The following DLGAP1 variants were observed in gnomAD, a reference collection of about 807,000 sequenced individuals.
The protein encoded by DLGAP1 is disks large-associated protein 1.
Under a neutral mutation model 90.8 loss-of-function variants are expected in DLGAP1, and 11 were observed. That is an observed-to-expected ratio of 0.12 (90% CI 0.08 to 0.20). DLGAP1 has a LOEUF of 0.20. DLGAP1 is among the 10% of genes least tolerant of loss of function. The pLI is 1.00. For missense variants in DLGAP1, 1,050 were observed against 1,333.8 expected (o/e 0.79, Z 3.31); for synonymous variants, 558 against 540.7 (o/e 1.03, Z -0.44).
At chr18:4,370,767 G>GT (rs33946209) in intron 1 of DLGAP1, among the ~76,000 whole-genome samples, 89 of 150,896 alleles carry the variant, frequency 5.9e-4, no homozygotes, top group African/African-American at 2.0e-3. Context: ...ATATGTGTGG[G>GT]TTTTTTTTTT....
At chr18:4,372,392 T>C (rs1469212682) in intron 1 of DLGAP1, among the ~76,000 whole-genome samples, 1 of 152,218 alleles carries the variant, frequency 6.6e-6, no homozygotes, top group African/African-American at 2.4e-5. Flanking sequence ...AGGGGTTCAG[T>C]TGAGTGACGA....
intron 1 of DLGAP1, among the ~76,000 whole-genome samples, chr18:4,355,742 C>CTT (rs56040788): frequency 0.31 from 37,828 of 122,598 alleles, 5,658 homozygotes; most frequent in Non-Finnish European, 0.36. Context: ...AATCCGGGAT[C>CTT]TTTTTTTTTT....
At chr18:4,450,169 T>C (rs967012469) in intron 1 of DLGAP1, among the ~76,000 whole-genome samples, 1 of 152,188 alleles carries the variant, frequency 6.6e-6, no homozygotes, top group Non-Finnish European at 1.5e-5. Context: ...AAAATGCCAT[T>C]TTCCTCTGAA....
intron 1 of DLGAP1, among the ~76,000 whole-genome samples, chr18:4,203,673 A>G (rs1598613250): frequency 6.6e-6 from 1 of 152,102 alleles, no homozygotes; most frequent in East Asian, 1.9e-4. Context: ...TCCCTGAAAC[A>G]TTTCCTGAGG....
chr18:3,572,633 A>G (rs1054683792), intron 8 of DLGAP1, among the ~76,000 whole-genome samples: 1 of 152,156 alleles, frequency 6.6e-6, no homozygotes, highest in African/African-American at 2.4e-5. Context: ...TATTTTTAGT[A>G]GAGACGGGAT....
chr18:4,202,142 C>T (rs760453707), intron 1 of DLGAP1, among the ~76,000 whole-genome samples: 1 of 151,260 alleles, frequency 6.6e-6, no homozygotes, highest in African/African-American at 2.4e-5. Flanking sequence ...TACATACGCA[C>T]ACACACACAC....
chr18:4,202,254 T>C (rs1329757470), intron 1 of DLGAP1, among the ~76,000 whole-genome samples: 1 of 152,056 alleles, frequency 6.6e-6, no homozygotes, highest in Non-Finnish European at 1.5e-5. Context: ...AACTCAGGAA[T>C]GGAAAAACAA....
intron 5 of DLGAP1, among the ~76,000 whole-genome samples, chr18:3,752,533 TCCTC>T (rs1204366323): frequency 1.6e-4 from 18 of 109,990 alleles, no homozygotes; most frequent in South Asian, 8.2e-4. Flanking sequence ...CTCCCTCCGT[TCCTC>T]CCTCCCTCCC....
chr18:4,081,612 A>T (rs2075609624), intron 2 of DLGAP1, among the ~76,000 whole-genome samples: 1 of 152,152 alleles, frequency 6.6e-6, no homozygotes, highest in Non-Finnish European at 1.5e-5. Context: ...AGACCTGCCA[A>T]AGAAGCCAAC....
intron 7 of DLGAP1, among the ~76,000 whole-genome samples, chr18:3,713,567 GAT>G (rs1379796304): frequency 1.3e-5 from 2 of 152,222 alleles, no homozygotes; most frequent in Admixed American, 6.5e-5. Context: ...TATGGTATAA[GAT>G]AGAAGTATGC....
At chr18:3,687,956 G>C (rs1284190457) in intron 7 of DLGAP1, among the ~76,000 whole-genome samples, 1 of 149,250 alleles carries the variant, frequency 6.7e-6, no homozygotes. Context: ...ACCCAGGCTG[G>C]AGTGCAGTGG....
chr18:3,964,796 T>G (rs1174386037), intron 3 of DLGAP1, among the ~76,000 whole-genome samples: 2 of 152,058 alleles, frequency 1.3e-5, no homozygotes, highest in Admixed American at 1.3e-4. Flanking sequence ...TTTTAAGAGG[T>G]GGCACAAAAA....
intron 1 of DLGAP1, among the ~76,000 whole-genome samples, chr18:4,288,507 C>T (rs1045111065): frequency 1.3e-5 from 2 of 152,138 alleles, no homozygotes; most frequent in African/African-American, 4.8e-5. Flanking sequence ...TGAAGGGCAG[C>T]TCCAGTTAAA....
intron 2 of DLGAP1, among the ~76,000 whole-genome samples, chr18:4,014,210 C>T (rs554822852): frequency 2.7e-4 from 41 of 151,918 alleles, no homozygotes; most frequent in Non-Finnish European, 2.9e-4. Flanking sequence ...CTCAGCCTCC[C>T]GAGTAGCTGG....
At chr18:4,068,581 T>C (rs1469959141) in intron 2 of DLGAP1, among the ~76,000 whole-genome samples, 1 of 152,192 alleles carries the variant, frequency 6.6e-6, no homozygotes, top group Non-Finnish European at 1.5e-5. Context: ...TTTTAACGCA[T>C]AAAATATGCT....
At chr18:3,650,485 G>C (rs912080607) in intron 7 of DLGAP1, among the ~76,000 whole-genome samples, 1 of 152,106 alleles carries the variant, frequency 6.6e-6, no homozygotes, top group South Asian at 2.1e-4. Context: ...AAAAAGAAAC[G>C]TTTAGCCAAA....
intron 1 of DLGAP1, among the ~76,000 whole-genome samples, chr18:4,304,673 G>A (rs1057051427): frequency 6.6e-6 from 1 of 152,362 alleles, no homozygotes; most frequent in Middle Eastern, 3.4e-3. Context: ...GCTCACGCCT[G>A]TAATCCCAAC....
intron 7 of DLGAP1, among the ~76,000 whole-genome samples, chr18:3,642,686 C>G (rs989279031): frequency 6.6e-6 from 1 of 152,164 alleles, no homozygotes; most frequent in Admixed American, 6.5e-5. Context: ...ATAACATACG[C>G]CTTGCCTTTG....
chr18:3,967,509 A>G (rs1364716469), intron 3 of DLGAP1, among the ~76,000 whole-genome samples: 2 of 152,254 alleles, frequency 1.3e-5, no homozygotes, highest in East Asian at 1.9e-4. Flanking sequence ...GTTGAGGCCC[A>G]GGAACCTGAG....
Sources: gnomAD v4.1 joint callset for allele counts (sites outside exome capture counted in the v4.1 genomes callset) on GRCh38, gnomAD v4.1.1 for gene constraint, MANE v1.5 for transcripts, NCBI Gene and HGNC (gene_info 2026-07-23, HGNC 2026-07-21) for gene names.